The following MPZ variants were observed in gnomAD, a reference collection of about 807,000 sequenced individuals.
MPZ encodes myelin protein zero.
Under a neutral mutation model 27.9 loss-of-function variants are expected in MPZ, and 13 were observed. The observed-to-expected ratio is 0.47, with a 90% confidence interval of 0.30 to 0.74. The LOEUF (loss-of-function observed/expected upper bound fraction) is 0.74, where lower values mean the gene tolerates loss of function less well. Among genes scored for constraint, MPZ ranks in the 30% least tolerant of loss-of-function variants. The pLI is 0.06. For synonymous variants in MPZ, 118 were observed against 128.9 expected (o/e 0.92, Z 0.57); for missense variants, 256 against 317.5 (o/e 0.81, Z 1.47).
chr1:161,307,673 T>A (rs1444749014), intron 1 of MPZ, among the ~76,000 whole-genome samples: 1 of 152,264 alleles, frequency 6.6e-6, no homozygotes, highest in Non-Finnish European at 1.5e-5. Flanking sequence ...TCTTGAGGAC[T>A]TCCAGAGATT....
Position 161,305,669 on chromosome 1 carries a change from G to T in MPZ, c.*207C>A. The T allele has an allele frequency of 3.4e-6, 2 of 591,750 alleles. No individual in the cohort carries two copies. The highest frequency in any genetic ancestry group is 1.9e-5 in the African/African-American group (1 of 53,610). 36.7% of individuals were successfully genotyped at this position (591,750 alleles called of 1,614,324 possible). A position where few individuals can be genotyped will look rare whatever the true frequency, so the allele number is the denominator to read the frequency against. On this transcript the variant is annotated 3_prime_UTR_variant, in exon 6 of 6. Coordinates refer to ENST00000533357, the MANE Select transcript of MPZ (RefSeq NM_000530.8). ...TCCCCCTGCTCTGGCAGGGCCTGGG[G>T]TGGGGGGGTGGCGATCACTTGTCCG... is the stretch of plus-strand genomic sequence containing the variant.
intron 4 of MPZ, 50 bp from the exon 5 acceptor site, chr1:161,306,218 A>T (rs1245405166): frequency 1.2e-6 from 2 of 1,612,194 alleles, no homozygotes. Context: ...AACCCCTTGC[A>T]CCGCGGACAC....
intron 3 of MPZ, 57 bp from the exon 4 acceptor site, chr1:161,306,521 C>G: frequency 6.2e-7 from 1 of 1,611,150 alleles, no homozygotes; most frequent in Non-Finnish European, 8.5e-7. Context: ...TCTGTGGTTC[C>G]TAGTCCGAGT....
intron 2 of MPZ, 92 bp from the exon 3 acceptor site, chr1:161,307,013 G>GAAAAAAAAAAAAAAA: frequency 4.7e-5 from 3 of 64,086 alleles, no homozygotes; most frequent in South Asian, 1.8e-4. Flanking sequence ...AAAGAAAAAA[G>GAAAAAAAAAAAAAAA]CAAAAAAAAA....
Position 161,305,842 on chromosome 1 carries a change from C to CA in MPZ, c.*33_*34insT. 4.6e-6 allele frequency: 7 copies of CA among 1,526,182 alleles called. No homozygotes were observed. Among genetic ancestry groups the CA allele is most frequent in the Non-Finnish European group, 5.4e-6 (6 of 1,106,014 alleles). The allele number at this position is 1,526,182 out of a possible 1,614,324, so 94.5% of individuals were successfully genotyped here. A position where few individuals can be genotyped will look rare whatever the true frequency, so the allele number is the denominator to read the frequency against. ...TTTGGGCCTTTGGCGGACTCCACCC[C>CA]TAACCCCCGATCCCCCGCCCGGCCC... On this transcript the variant is annotated 3_prime_UTR_variant, in exon 6 of 6. Transcript: ENST00000533357.
In MPZ at chr1:161,306,705, C is replaced by T. The variant is rs1670257181; in HGVS notation, c.448+3G>A. 1 of 1,613,770 alleles carries T rather than the reference C, an allele frequency of 6.2e-7. No homozygotes were observed. The highest frequency in any genetic ancestry group is 1.1e-5 in the South Asian group (1 of 91,082). ...ATACCCTTGTCCCCATCCCTTCTCACACCTTTTTCAAAGACATACAGCGTG... is the reference window on the plus strand; with the variant it reads ...ATACCCTTGTCCCCATCCCTTCTCATACCTTTTTCAAAGACATACAGCGTG... On this transcript the variant is annotated splice_donor_region_variant and intron_variant, in intron 3 of 5. Coordinates refer to ENST00000533357, the MANE Select transcript of MPZ (RefSeq NM_000530.8).
Position 161,309,963 on chromosome 1 carries a change from G to C in MPZ, c.-58C>G. On this transcript the variant is annotated 5_prime_UTR_variant, in exon 1 of 6. Coordinates refer to ENST00000533357, the MANE Select transcript of MPZ (RefSeq NM_000530.8). Reference sequence around the variant, plus strand: ...GTGGGGTTGAGAAAGTGGGGGACCAGGAACTGAACGGGGGGTTCCTGGAAC... The same window carrying C: ...GTGGGGTTGAGAAAGTGGGGGACCACGAACTGAACGGGGGGTTCCTGGAAC... 7.6e-7 allele frequency: 1 copy of C among 1,308,430 alleles called. No homozygotes were observed. The highest frequency in any genetic ancestry group is 1.1e-6 in the Non-Finnish European group (1 of 926,760). 81.1% of individuals were successfully genotyped at this position (1,308,430 alleles called of 1,614,324 possible).
In MPZ at chr1:161,306,542, C is replaced by A. The variant is rs1670253640; in HGVS notation, c.449-78G>T. On this transcript the variant is annotated intron_variant, in intron 3 of 5. Coordinates refer to ENST00000533357, the MANE Select transcript of MPZ (RefSeq NM_000530.8). ...GTTCCTAGTCCGAGTGTATGCCCTG[C>A]ATTGAGGATGTAGGACTCCCAGCTA... is the stretch of plus-strand genomic sequence containing the variant. The A allele has an allele frequency of 3.8e-6, 6 of 1,596,198 alleles. No individual in the cohort carries two copies. The Admixed American group carries it at 1.0e-4, about 27-fold the overall frequency.
chr1:161,309,552 A>ATTTTTTTTTT (rs1215409194), intron 1 of MPZ, among the ~76,000 whole-genome samples: 3 of 80,642 alleles, frequency 3.7e-5, no homozygotes, highest in East Asian at 2.5e-4. Context: ...ATATATATAT[A>ATTTTTTTTTT]TTTTTTTTTT....
At chr1:161,309,552 A>ATATATATATATATATATATATTTTT in intron 1 of MPZ, among the ~76,000 whole-genome samples, 1 of 80,642 alleles carries the variant, frequency 1.2e-5, no homozygotes, top group South Asian at 3.8e-4. Flanking sequence ...ATATATATAT[A>ATATATATATATATATATATATTTTT]TTTTTTTTTT....
intron 1 of MPZ, 107 bp from the exon 2 acceptor site, chr1:161,307,531 A>G (rs771142182): frequency 1.2e-5 from 16 of 1,308,566 alleles, no homozygotes; most frequent in African/African-American, 2.9e-5. Context: ...TCAGAGGCCA[A>G]TTTGGAAAAG....
intron 1 of MPZ, among the ~76,000 whole-genome samples, chr1:161,309,552 A>ATATATATATATTTTT: frequency 1.2e-5 from 1 of 80,666 alleles, no homozygotes; most frequent in African/African-American, 5.8e-5. Flanking sequence ...ATATATATAT[A>ATATATATATATTTTT]TTTTTTTTTT....
chr1:161,309,552 A>ATATTTTTTTT, intron 1 of MPZ, among the ~76,000 whole-genome samples: 10 of 80,666 alleles, frequency 1.2e-4, no homozygotes, highest in African/African-American at 4.6e-4. Context: ...ATATATATAT[A>ATATTTTTTTT]TTTTTTTTTT....
downstream of MPZ, among the ~76,000 whole-genome samples, chr1:161,304,492 C>T (rs1012269254): frequency 2.0e-5 from 3 of 152,148 alleles, no homozygotes; most frequent in South Asian, 2.1e-4. Context: ...ACAGATTCTG[C>T]GTTTTAACTC....
rs1558154010 is a variant in MPZ at position 161,306,758 on chromosome 1, G to A, written c.398C>T (p.Pro133Leu). The A allele has an allele frequency of 6.2e-7, 1 of 1,614,070 alleles. No individual in the cohort carries two copies. Among genetic ancestry groups the A allele is most frequent in the Non-Finnish European group, 8.5e-7 (1 of 1,180,030 alleles). Residue 133 changes from proline to leucine, a missense_variant, in exon 3 of 6, where the codon CCA becomes CTA. Coordinates refer to ENST00000533357, the MANE Select transcript of MPZ (RefSeq NM_000530.8). Reference sequence around the variant, plus strand: ...CTGAGAGGTCTTGCCCACTATGTCTGGAGGGTTTTTGACGTCACAAGTGAA... The same window carrying A: ...CTGAGAGGTCTTGCCCACTATGTCTAGAGGGTTTTTGACGTCACAAGTGAA... The part of the protein sequence containing the change: ...GTFTCDVKNP[P>L]DIVGKTSQVT...
At position 161,306,827 on chromosome 1, in the gene MPZ, C is replaced by A. The variant is rs1468741050; in HGVS notation, c.329G>T (p.Gly110Val). 3 of 1,613,878 alleles carry A rather than the reference C, an allele frequency of 1.9e-6. No individual in the cohort carries two copies. In the South Asian group the frequency reaches 3.3e-5, roughly 18 times the overall value. ...GTCTAGGTTGTGTATGACAATGGAG[C>A]CATCCTTCCAGCGAGGGTCCCCTAC... ...QWVGDPRWKDGSIVIHNLDYS... is the reference protein window; with the variant it reads ...QWVGDPRWKDVSIVIHNLDYS... The change falls in exon 3 of 6, where the codon GGC becomes GTC. Residue 110 changes from glycine (G) to valine (V), a missense_variant. Gly to Val is a moderately radical substitution (Grantham distance 109, BLOSUM62 -3). Coordinates refer to ENST00000533357, the MANE Select transcript of MPZ (RefSeq NM_000530.8).
chr1:161,309,548 A>ATTTTTTTTTTTTTT (rs1482171465), intron 1 of MPZ, among the ~76,000 whole-genome samples: 2 of 73,272 alleles, frequency 2.7e-5, no homozygotes, highest in African/African-American at 6.6e-5. Flanking sequence ...ATATATATAT[A>ATTTTTTTTTTTTTT]TATATTTTTT....
chr1:161,309,552 A>ATTTTTTTTTTTTTTTTTTTTTTTT (rs1215409194), intron 1 of MPZ, among the ~76,000 whole-genome samples: 4 of 80,642 alleles, frequency 5.0e-5, no homozygotes, highest in African/African-American at 5.8e-5. Flanking sequence ...ATATATATAT[A>ATTTTTTTTTTTTTTTTTTTTTTTT]TTTTTTTTTT....
intron 2 of MPZ, 111 bp downstream of exon 2, chr1:161,307,147 T>C (rs1409971374): frequency 1.4e-6 from 2 of 1,417,306 alleles, no homozygotes; most frequent in African/African-American, 2.9e-5. Context: ...CTTGCCAAAG[T>C]TGGGGTTATG....
Sources: gnomAD v4.1 joint callset for allele counts (sites outside exome capture counted in the v4.1 genomes callset) on GRCh38, gnomAD v4.1.1 for gene constraint, MANE v1.5 for transcripts, NCBI Gene and HGNC (gene_info 2026-07-23, HGNC 2026-07-21) for gene names.